The following VPS53 variants were observed in gnomAD, a reference collection of about 807,000 sequenced individuals.
VPS53 encodes VPS53 subunit of GARP complex.
A neutral mutation model predicts 107.0 loss-of-function variants in VPS53; 70 were observed. The ratio of observed to expected loss-of-function variants is 0.65; its 90% CI spans 0.54 to 0.80. The LOEUF (loss-of-function observed/expected upper bound fraction) is 0.80, where lower values mean the gene tolerates loss of function less well. Ranked by LOEUF, VPS53 falls within the 30% of genes least tolerant of loss-of-function variation. The pLI is 0.00. For missense variants in VPS53, 917 were observed against 1,049.4 expected (o/e 0.87, Z 1.74); for synonymous variants, 409 against 393.3 (o/e 1.04, Z -0.47).
At chr17:637,458 G>T (rs1275532025) in intron 7 of VPS53, among the ~76,000 whole-genome samples, 4 of 151,886 alleles carry the variant, frequency 2.6e-5, no homozygotes, top group East Asian at 1.9e-4. Context: ...TGACTTCTGC[G>T]AGCTTTTGAA....
intron 13 of VPS53, among the ~76,000 whole-genome samples, chr17:570,452 T>A (rs1913940449): frequency 6.6e-6 from 1 of 150,542 alleles, no homozygotes; most frequent in Admixed American, 6.6e-5. Flanking sequence ...CTGATATGAA[T>A]TCCTAGGAAC....
At chr17:571,492 C>CCTCT (rs1914056138) in intron 13 of VPS53, among the ~76,000 whole-genome samples, 1 of 141,286 alleles carries the variant, frequency 7.1e-6, no homozygotes, top group South Asian at 2.4e-4. Context: ...TCTCCTTCTC[C>CCTCT]CTCTCCCTCT....
In VPS53 at chr17:560,590, G is replaced by A; in HGVS notation, c.1557-17C>T. ...GTTGTGGTTCTGAAGAAAAGGAACA[G>A]GAACAAGTCAGCATGGAATTTCTAA... On this transcript the variant is annotated splice_polypyrimidine_tract_variant and intron_variant, in intron 14 of 21. Transcript: ENST00000437048. 6.2e-7 allele frequency: 1 copy of A among 1,607,672 alleles called. No homozygotes were observed. Among genetic ancestry groups the A allele is most frequent in the Middle Eastern group, 1.7e-4 (1 of 6,036 alleles).
intron 4 of VPS53, among the ~76,000 whole-genome samples, chr17:682,504 G>A (rs1315440135): frequency 6.6e-6 from 1 of 152,250 alleles, no homozygotes; most frequent in Non-Finnish European, 1.5e-5. Flanking sequence ...GAAGACGGGG[G>A]TGCCACACAA....
intron 11 of VPS53, among the ~76,000 whole-genome samples, chr17:603,798 G>A (rs4968093): frequency 0.24 from 35,890 of 152,160 alleles, 4,455 homozygotes; most frequent in Admixed American, 0.32. Flanking sequence ...AGCTTGAGTT[G>A]TCTTCTTAAG....
intron 15 of VPS53, among the ~76,000 whole-genome samples, chr17:558,277 C>A (rs1030108556): frequency 7.2e-5 from 11 of 152,190 alleles, no homozygotes; most frequent in Non-Finnish European, 1.0e-4. Context: ...ACCATCCTGG[C>A]TAACACAGTG....
At chr17:599,242 T>C (rs891814419) in intron 12 of VPS53, among the ~76,000 whole-genome samples, 1 of 151,958 alleles carries the variant, frequency 6.6e-6, no homozygotes, top group Non-Finnish European at 1.5e-5. Flanking sequence ...CCACCCTGTC[T>C]GGGAGGTGTA....
chr17:529,521 A>G (rs1567600329), intron 19 of VPS53, among the ~76,000 whole-genome samples: 2 of 152,124 alleles, frequency 1.3e-5, no homozygotes, highest in African/African-American at 4.8e-5. Context: ...GCCGCTTTTT[A>G]AATTGTTATT....
chr17:510,432 C>A lies in VPS53; in HGVS notation c.*8696G>T. The A allele has an allele frequency of 4.4e-6, 1 of 227,256 alleles. No homozygotes were observed. Among genetic ancestry groups the A allele is most frequent in the Non-Finnish European group, 9.0e-6 (1 of 110,654 alleles). 14.1% of individuals were successfully genotyped at this position (227,256 alleles called of 1,614,324 possible). The stretch of plus-strand genomic sequence containing the variant: ...TTGCTAGTCACGTATCAAATCCTGG[C>A]CGACCCCTTACTAGTCCCATATGAA... On this transcript the variant is annotated 3_prime_UTR_variant, in exon 22 of 22. Coordinates refer to ENST00000437048, the MANE Select transcript of VPS53 (RefSeq NM_001128159.3).
At chr17:698,209 G>T (rs1973052777) in intron 3 of VPS53, among the ~76,000 whole-genome samples, 1 of 152,192 alleles carries the variant, frequency 6.6e-6, no homozygotes, top group Non-Finnish European at 1.5e-5. Context: ...AAGGCAGGCA[G>T]ATCACTTGAG....
At chr17:565,192 G>A (rs528267099) in intron 13 of VPS53, among the ~76,000 whole-genome samples, 2 of 151,870 alleles carry the variant, frequency 1.3e-5, no homozygotes, top group African/African-American at 2.4e-5. Flanking sequence ...ACCTGTGGTC[G>A]GGAGTTTGAG....
At chr17:582,356 T>A (rs1019209934) in intron 13 of VPS53, among the ~76,000 whole-genome samples, 6 of 145,880 alleles carry the variant, frequency 4.1e-5, no homozygotes, top group Admixed American at 1.4e-4. Flanking sequence ...ACCCAATGTG[T>A]CCCCAGAGAA....
At chr17:595,466 CT>C in intron 12 of VPS53, among the ~76,000 whole-genome samples, 1 of 71,850 alleles carries the variant, frequency 1.4e-5, no homozygotes, top group Non-Finnish European at 3.0e-5. Context: ...CTCTAGTGCC[CT>C]GCCCTCGAGG....
chr17:567,732 TAAAC>T (rs1310639771), intron 13 of VPS53, among the ~76,000 whole-genome samples: 2 of 151,810 alleles, frequency 1.3e-5, no homozygotes, highest in African/African-American at 4.8e-5. Flanking sequence ...TAAAAAAAAA[TAAAC>T]AAATTAGTTA....
intron 1 of VPS53, chr17:714,395 C>T: frequency 1.8e-6 from 1 of 563,572 alleles, no homozygotes. Context: ...CCCAAAACCA[C>T]CAGAACCCCC....
At chr17:551,633 C>CTTTT in intron 17 of VPS53, 1 of 268,466 alleles carries the variant, frequency 3.7e-6, no homozygotes. Context: ...TACTTCGTCT[C>CTTTT]TTTTTTTTTT....
At chr17:529,140 CT>C (rs1909336307) in intron 19 of VPS53, among the ~76,000 whole-genome samples, 1 of 152,118 alleles carries the variant, frequency 6.6e-6, no homozygotes, top group African/African-American at 2.4e-5. Flanking sequence ...ACTGAAAAGA[CT>C]CTCTTTGAAT....
In VPS53 at chr17:512,783, G is replaced by A. The variant is rs184054103; in HGVS notation, c.*6345C>T. ...CTAAGGAAACAGGATGGACTCATGCGTGCAGGAGAGAAATCACTAAAGGAC... is the reference window on the plus strand; with the variant it reads ...CTAAGGAAACAGGATGGACTCATGCATGCAGGAGAGAAATCACTAAAGGAC... On this transcript the variant is annotated 3_prime_UTR_variant, in exon 22 of 22. Coordinates refer to ENST00000437048, the MANE Select transcript of VPS53 (RefSeq NM_001128159.3). 1.2e-4 allele frequency: 18 copies of A among 152,284 alleles called. No individual in the cohort carries two copies. The highest frequency in any genetic ancestry group is 3.9e-4 in the East Asian group (2 of 5,190). The allele number at this position is 152,284 out of a possible 1,614,324, so 9.4% of individuals were successfully genotyped here. A position where few individuals can be genotyped will look rare whatever the true frequency, so the allele number is the denominator to read the frequency against.
intron 2 of VPS53, among the ~76,000 whole-genome samples, chr17:707,062 G>C (rs182317208): frequency 3.9e-5 from 6 of 152,190 alleles, no homozygotes; most frequent in Admixed American, 3.9e-4. Flanking sequence ...ACGTCCCCAC[G>C]GGGTCTGCCA....
Sources: allele counts gnomAD v4.1 joint callset (sites outside exome capture counted in the v4.1 genomes callset), GRCh38; gene constraint gnomAD v4.1.1; transcripts MANE v1.5; gene names NCBI Gene and HGNC (gene_info 2026-07-23, HGNC 2026-07-21).